RARB: variants seen among roughly 807,000 people sequenced by gnomAD.
RARB encodes HBV-activated protein.
In RARB, 17 loss-of-function variants were observed where a neutral mutation model predicts 51.9. That is an observed-to-expected ratio of 0.33 (90% CI 0.22 to 0.49). RARB has a LOEUF of 0.49. RARB is among the 20% of genes least tolerant of loss of function. The pLI is 0.99. For missense variants in RARB, 369 were observed against 550.8 expected (o/e 0.67, Z 3.30); for synonymous variants, 215 against 195.4 (o/e 1.10, Z -0.84).
intron 1 of RARB, among the ~76,000 whole-genome samples, chr3:25,446,051 G>A (rs781202261): frequency 2.0e-5 from 3 of 152,204 alleles, no homozygotes; most frequent in Non-Finnish European, 2.9e-5. Flanking sequence ...TATGTGGGAA[G>A]GAATTTTAAA....
intron 5 of RARB, among the ~76,000 whole-genome samples, chr3:25,184,606 G>A (rs1700934012): frequency 6.6e-6 from 1 of 152,068 alleles, no homozygotes; most frequent in Non-Finnish European, 1.5e-5. Flanking sequence ...TTCTTGGACA[G>A]ATTTTTAACC....
At chr3:25,078,929 C>T (rs1199898570) in intron 3 of RARB, among the ~76,000 whole-genome samples, 2 of 152,074 alleles carry the variant, frequency 1.3e-5, no homozygotes, top group South Asian at 4.1e-4. Context: ...TACAAAGGAG[C>T]CTGTTGAGAT....
At chr3:25,435,932 C>T (rs941128950) in intron 1 of RARB, among the ~76,000 whole-genome samples, 1 of 151,780 alleles carries the variant, frequency 6.6e-6, no homozygotes, top group Non-Finnish European at 1.5e-5. Flanking sequence ...CATTTTATTA[C>T]AAAAAAAATC....
intron 2 of RARB, among the ~76,000 whole-genome samples, chr3:24,960,706 C>T (rs764944997): frequency 1.3e-5 from 2 of 151,200 alleles, no homozygotes; most frequent in Admixed American, 6.6e-5. Flanking sequence ...TACAACCATA[C>T]GTTGTGTAAA....
intron 5 of RARB, among the ~76,000 whole-genome samples, chr3:25,310,326 C>T (rs1363052192): frequency 6.6e-6 from 1 of 152,186 alleles, no homozygotes; most frequent in African/African-American, 2.4e-5. Context: ...ATTGCTTTTG[C>T]AACACAGCCT....
intron 2 of RARB, among the ~76,000 whole-genome samples, chr3:24,961,126 A>G (rs954684397): frequency 2.0e-5 from 3 of 152,268 alleles, no homozygotes; most frequent in African/African-American, 7.2e-5. Context: ...ATTATAAGTT[A>G]CTTTGCTATT....
At chr3:25,101,487 T>C (rs1699399244) in intron 3 of RARB, among the ~76,000 whole-genome samples, 1 of 152,114 alleles carries the variant, frequency 6.6e-6, no homozygotes, top group Non-Finnish European at 1.5e-5. Flanking sequence ...TTGTTATAGA[T>C]TACTGTTTTG....
intron 5 of RARB, among the ~76,000 whole-genome samples, chr3:25,270,896 A>G (rs372183812): frequency 2.6e-5 from 4 of 152,330 alleles, no homozygotes; most frequent in Admixed American, 2.0e-4. Context: ...TTTCGCCCCA[A>G]TCTAATATTA....
intron 4 of RARB, among the ~76,000 whole-genome samples, chr3:25,173,364 T>C (rs1700679280): frequency 1.3e-5 from 2 of 152,194 alleles, no homozygotes; most frequent in Admixed American, 1.3e-4. Context: ...CATTAGTGCC[T>C]GGCACATAAT....
chr3:25,120,532 T>TCTCTCC (rs1553634819), intron 3 of RARB, among the ~76,000 whole-genome samples: 3 of 147,684 alleles, frequency 2.0e-5, no homozygotes, highest in Non-Finnish European at 3.0e-5. Flanking sequence ...TAAAAATCTC[T>TCTCTCC]CTCTCTCTCT....
intron 3 of RARB, among the ~76,000 whole-genome samples, chr3:25,539,957 C>A (rs976327938): frequency 1.3e-5 from 2 of 151,964 alleles, no homozygotes; most frequent in Non-Finnish European, 2.9e-5. Context: ...GGGATGCAAA[C>A]CCCACATATA....
chr3:25,491,622 A>G (rs1279245781), intron 2 of RARB, among the ~76,000 whole-genome samples: 1 of 152,216 alleles, frequency 6.6e-6, no homozygotes, highest in Non-Finnish European at 1.5e-5. Flanking sequence ...ATACAAAATG[A>G]AAATGCTTGT....
chr3:25,133,811 G>T (rs1423515666), intron 4 of RARB, among the ~76,000 whole-genome samples: 3 of 142,356 alleles, frequency 2.1e-5, no homozygotes, highest in African/African-American at 7.9e-5. Context: ...AAAACAAAAA[G>T]TATGTGTGTG....
At chr3:25,104,867 C>T (rs1440678551) in intron 3 of RARB, among the ~76,000 whole-genome samples, 1 of 151,990 alleles carries the variant, frequency 6.6e-6, no homozygotes, top group African/African-American at 2.4e-5. Context: ...TAGATACACA[C>T]ATATGCAAAA....
At chr3:25,181,559 G>A (rs1700861699) in intron 5 of RARB, among the ~76,000 whole-genome samples, 1 of 152,158 alleles carries the variant, frequency 6.6e-6, no homozygotes, top group Non-Finnish European at 1.5e-5. Context: ...TGCAATGTAT[G>A]CGATAGTTGC....
chr3:25,431,485 T>C (rs930803653), intron 1 of RARB, among the ~76,000 whole-genome samples: 3 of 152,178 alleles, frequency 2.0e-5, no homozygotes, highest in African/African-American at 7.2e-5. Context: ...TAAGGGAATG[T>C]GGTCTAAATA....
chr3:25,246,959 G>C (rs1210980105), intron 5 of RARB, among the ~76,000 whole-genome samples: 2 of 152,222 alleles, frequency 1.3e-5, no homozygotes, highest in African/African-American at 2.4e-5. Flanking sequence ...CCAGGGAGAG[G>C]GGAGTTTCAT....
At chr3:24,892,265 G>A (rs958398799) in intron 2 of RARB, among the ~76,000 whole-genome samples, 3 of 150,806 alleles carry the variant, frequency 2.0e-5, no homozygotes, top group Admixed American at 6.6e-5. Context: ...CTCTCTGCTC[G>A]ACCTGGTACA....
intron 2 of RARB, among the ~76,000 whole-genome samples, chr3:24,863,173 C>A (rs934221688): frequency 6.6e-6 from 1 of 152,202 alleles, no homozygotes; most frequent in African/African-American, 2.4e-5. Context: ...GATGCCTCAT[C>A]TAACTGGGGC....
Sources: gnomAD v4.1 joint callset for allele counts (sites outside exome capture counted in the v4.1 genomes callset) on GRCh38, gnomAD v4.1.1 for gene constraint, MANE v1.5 for transcripts, NCBI Gene and HGNC (gene_info 2026-07-23, HGNC 2026-07-21) for gene names.